NAV3: variants seen among roughly 807,000 people sequenced by gnomAD.
NAV3 encodes the protein pore membrane and/or filament interacting like protein 1.
NAV3 carries 87 observed loss-of-function variants against 244.7 expected under a neutral mutation model. That is an observed-to-expected ratio of 0.36 (90% CI 0.30 to 0.42). NAV3 has a LOEUF of 0.42. Ranked by LOEUF, NAV3 falls within the 20% of genes least tolerant of loss-of-function variation. NAV3 has a pLI of 1.00. For synonymous variants in NAV3, 1,126 were observed against 1,042.2 expected, an observed-to-expected ratio of 1.08 and a Z score of -1.55; for missense variants, 2,663 against 2,893.3, an observed-to-expected ratio of 0.92 and a Z score of 1.83.
chr12:78,210,286 G>C, intron 39 of NAV3, 112 bp from the exon 40 acceptor site: 1 of 1,485,438 alleles, frequency 6.7e-7, no homozygotes, highest in South Asian at 1.3e-5. Context: ...ATTTTCCCCT[G>C]TTACTTGGAT....
At chr12:77,839,769 A>G (rs1875300438) in intron 1 of NAV3, among the ~76,000 whole-genome samples, 1 of 152,192 alleles carries the variant, frequency 6.6e-6, no homozygotes, top group Admixed American at 6.5e-5. Flanking sequence ...GAAAAGTAAC[A>G]TTTCAACCAG....
At chr12:78,036,604 A>G in intron 9 of NAV3, 1 of 312,742 alleles carries the variant, frequency 3.2e-6, no homozygotes. Context: ...GCTGGAGGAG[A>G]GTCTTTGGTG....
chr12:78,005,816 A>G (rs1874104596), intron 7 of NAV3, among the ~76,000 whole-genome samples: 1 of 152,242 alleles, frequency 6.6e-6, no homozygotes, highest in Non-Finnish European at 1.5e-5. Flanking sequence ...GAAATAATGC[A>G]GTTAGAGAAC....
chr12:77,717,073 G>A (rs1876395440), intron 2 of NAV3, among the ~76,000 whole-genome samples: 1 of 152,074 alleles, frequency 6.6e-6, no homozygotes, highest in African/African-American at 2.4e-5. Context: ...GTAGGTGTAT[G>A]TGGAGAATTA....
At chr12:78,132,517 T>G (rs1234989735) in intron 18 of NAV3, among the ~76,000 whole-genome samples, 1 of 152,166 alleles carries the variant, frequency 6.6e-6, no homozygotes, top group African/African-American at 2.4e-5. Context: ...TTGCTCATCT[T>G]AACATAGCTG....
At chr12:78,058,599 GT>G (rs564706509) in intron 11 of NAV3, among the ~76,000 whole-genome samples, 49 of 152,112 alleles carry the variant, frequency 3.2e-4, no homozygotes, top group African/African-American at 1.1e-3. Flanking sequence ...GGAAGTTTAG[GT>G]TTTGATCCAT....
At chr12:77,607,603 G>A (rs1045098202) in intron 2 of NAV3, among the ~76,000 whole-genome samples, 2 of 152,028 alleles carry the variant, frequency 1.3e-5, no homozygotes, top group Non-Finnish European at 1.5e-5. Context: ...AAACCAGTAT[G>A]GTGGGGTGGT....
intron 5 of NAV3, among the ~76,000 whole-genome samples, chr12:77,969,555 C>G (rs1198461486): frequency 2.6e-5 from 4 of 152,032 alleles, no homozygotes; most frequent in African/African-American, 9.7e-5. Flanking sequence ...TTTTGAAAAG[C>G]CAAACTTTCG....
At chr12:77,597,213 C>T (rs1870208784) in intron 2 of NAV3, among the ~76,000 whole-genome samples, 2 of 152,062 alleles carry the variant, frequency 1.3e-5, no homozygotes, top group Non-Finnish European at 2.9e-5. Context: ...CCTGTTTTCT[C>T]TTTGTTGCTA....
chr12:78,170,675 G>A (rs1301440424), intron 24 of NAV3, among the ~76,000 whole-genome samples: 1 of 151,668 alleles, frequency 6.6e-6, no homozygotes, highest in African/African-American at 2.4e-5. Context: ...TTGTTCTGTT[G>A]TTGCATTGCA....
intron 2 of NAV3, among the ~76,000 whole-genome samples, chr12:77,706,776 C>A (rs1451375983): frequency 2.8e-5 from 4 of 142,338 alleles, no homozygotes; most frequent in Admixed American, 7.3e-5. Flanking sequence ...GAGGCTGAGG[C>A]AGGAGAATGG....
intron 2 of NAV3, among the ~76,000 whole-genome samples, chr12:77,762,531 A>T (rs1250488721): frequency 6.6e-6 from 1 of 152,006 alleles, no homozygotes; most frequent in Non-Finnish European, 1.5e-5. Flanking sequence ...TGAACCCGGG[A>T]GGCGGAGGTT....
chr12:78,109,200 G>C (rs1188988923), intron 12 of NAV3, among the ~76,000 whole-genome samples: 2 of 151,960 alleles, frequency 1.3e-5, no homozygotes, highest in Non-Finnish European at 2.9e-5. Context: ...GGAAAATATA[G>C]AGAAATAGAT....
At chr12:78,110,691 A>G (rs2370379) in intron 12 of NAV3, among the ~76,000 whole-genome samples, 110,933 of 151,352 alleles carry the variant, frequency 0.73, 40,875 homozygotes, top group Non-Finnish European at 0.77. Flanking sequence ...ATATATATAT[A>G]TAGTGTGTGT....
At chr12:78,082,888 G>A (rs1237790464) in intron 12 of NAV3, among the ~76,000 whole-genome samples, 4 of 152,034 alleles carry the variant, frequency 2.6e-5, no homozygotes, top group African/African-American at 9.7e-5. Context: ...AAGACTCCCT[G>A]TAGTCCTTGT....
At chr12:77,707,413 A>G (rs1475148652) in intron 2 of NAV3, among the ~76,000 whole-genome samples, 3 of 152,062 alleles carry the variant, frequency 2.0e-5, no homozygotes, top group South Asian at 2.1e-4. Flanking sequence ...GCTGCAGAGT[A>G]TTCATTCCAT....
chr12:77,823,781 T>C (rs180693234), intron 2 of NAV3, among the ~76,000 whole-genome samples: 77 of 152,214 alleles, frequency 5.1e-4, no homozygotes, highest in African/African-American at 1.8e-3. Context: ...AAAAAATCCA[T>C]TAATGGAAAC....
chr12:77,725,997 C>A (rs187789666), intron 2 of NAV3, among the ~76,000 whole-genome samples: 99 of 152,034 alleles, frequency 6.5e-4, no homozygotes, highest in Middle Eastern at 3.4e-3. Context: ...ACCGAAAGAA[C>A]ACTTTTAATT....
chr12:77,589,387 T>TTAC (rs1869796813), intron 2 of NAV3, among the ~76,000 whole-genome samples: 1 of 152,118 alleles, frequency 6.6e-6, no homozygotes, highest in South Asian at 2.1e-4. Flanking sequence ...TGGTACCAAT[T>TTAC]TACTGTATTA....
Sources: allele counts gnomAD v4.1 joint callset (sites outside exome capture counted in the v4.1 genomes callset), GRCh38; gene constraint gnomAD v4.1.1; transcripts MANE v1.5; gene names NCBI Gene and HGNC (gene_info 2026-07-23, HGNC 2026-07-21).